The following CCDC178 variants were observed in gnomAD, a reference collection of about 807,000 sequenced individuals.
The protein encoded by CCDC178 is coiled-coil domain-containing protein 178.
CCDC178 carries 126 observed loss-of-function variants against 117.4 expected under a neutral mutation model. The observed-to-expected ratio is 1.07, with a 90% CI of 0.93 to 1.24. The LOEUF is 1.24. Among genes scored for constraint, CCDC178 ranks in the 50% most tolerant of loss-of-function variants. CCDC178 has a pLI of 0.00. For synonymous variants in CCDC178, 283 were observed against 313.4 expected (o/e 0.90, Z 1.02); for missense variants, 1,030 against 986.9 (o/e 1.04, Z -0.59).
In CCDC178 at chr18:33,182,648, C is replaced by T. The variant is rs559101824; in HGVS notation, c.2238+29248G>A. On this transcript the variant is annotated intron_variant, in intron 20 of 22. Coordinates refer to ENST00000383096, the MANE Select transcript of CCDC178 (RefSeq NM_001105528.4). The stretch of plus-strand genomic sequence containing the variant: ...GATCAAAGGAATGTATGCATAGTCT[C>T]TCACTATATATGTCAACATGACAAG... Among the ~76,000 whole-genome samples the T allele has an allele frequency of 3.9e-5, 6 of 152,040 alleles. No individual in the cohort carries two copies. In the East Asian group the frequency reaches 1.2e-3, roughly 29 times the overall value.
In CCDC178 at chr18:33,315,348, A is replaced by G. The variant is rs574332009; in HGVS notation, c.1022+8143T>C. 3.3e-5 allele frequency among the ~76,000 whole-genome samples: 5 copies of G among 152,326 alleles called. No individual in the cohort carries two copies. In the South Asian group the frequency reaches 1.0e-3, roughly 32 times the overall value. ...AAAACAACGAAAAGACATTAAAATC[A>G]TCTACAACCAGACCAAGTGGTTGCA... On this transcript the variant is annotated intron_variant, in intron 11 of 22. Transcript: ENST00000383096.
At chr18:33,139,120 C>T (rs905128533) in intron 20 of CCDC178, among the ~76,000 whole-genome samples, 1 of 152,112 alleles carries the variant, frequency 6.6e-6, no homozygotes. Context: ...CGGGAGATTC[C>T]ATGCACAAGC....
intron 20 of CCDC178, among the ~76,000 whole-genome samples, chr18:33,105,156 C>T (rs2057687846): frequency 6.6e-6 from 1 of 151,570 alleles, no homozygotes. Flanking sequence ...TTAATTGATA[C>T]TAAATATTGT....
At chr18:32,980,760 T>C (rs1285265267) in intron 21 of CCDC178, among the ~76,000 whole-genome samples, 1 of 152,188 alleles carries the variant, frequency 6.6e-6, no homozygotes, top group African/African-American at 2.4e-5. Context: ...AAACTCATCA[T>C]ATTGTCAAAT....
In CCDC178 at chr18:33,073,817, G is replaced by C. The variant is rs1296393530; in HGVS notation, c.2388+18944C>G. 2.6e-5 allele frequency among the ~76,000 whole-genome samples: 4 copies of C among 152,110 alleles called. No individual in the cohort carries two copies. The East Asian group carries it at 5.8e-4, about 22-fold the overall frequency. ...TAAACATAAAATGTCAGAGTATTAA[G>C]AGCAAAGAAAATACATAGGTGGCAT... is the stretch of plus-strand genomic sequence containing the variant. On this transcript the variant is annotated intron_variant, in intron 21 of 22. Transcript: ENST00000383096.
chr18:33,030,536 G>GATACATAGATAGATAC (rs1567943405), intron 21 of CCDC178, among the ~76,000 whole-genome samples: 1 of 151,602 alleles, frequency 6.6e-6, no homozygotes, highest in Non-Finnish European at 1.5e-5. Context: ...TAGATAGATA[G>GATACATAGATAGATAC]ATAGATAGAT....
rs200527567 is a variant in CCDC178, at chr18:33,022,874, G to C, written c.2389-48193C>G. On this transcript the variant is annotated intron_variant, in intron 21 of 22. Coordinates refer to ENST00000383096, the MANE Select transcript of CCDC178 (RefSeq NM_001105528.4). ...TCTAAATATAATGATATATAGGGGG[G>C]CTGGAAGTAAAGGATGAAAAGTGAT... Among the ~76,000 whole-genome samples, 10 of 152,114 alleles carry C rather than the reference G, an allele frequency of 6.6e-5. No individual in the cohort carries two copies. The East Asian group carries it at 1.9e-3, about 29-fold the overall frequency.
chr18:33,127,787 G>A (rs2058025770), intron 20 of CCDC178, among the ~76,000 whole-genome samples: 1 of 152,064 alleles, frequency 6.6e-6, no homozygotes, highest in African/African-American at 2.4e-5. Context: ...CTCTGATACT[G>A]TTTACAAATT....
chr18:33,080,886 C>T (rs772025821), intron 21 of CCDC178, among the ~76,000 whole-genome samples: 1 of 152,066 alleles, frequency 6.6e-6, no homozygotes, highest in Non-Finnish European at 1.5e-5. Flanking sequence ...TCTACTTTCT[C>T]TTATTTATGG....
intron 21 of CCDC178, among the ~76,000 whole-genome samples, chr18:33,013,775 C>T (rs2055922856): frequency 6.6e-6 from 1 of 152,114 alleles, no homozygotes; most frequent in Admixed American, 6.5e-5. Context: ...CCAGGGAAGA[C>T]TATATATATG....
At chr18:33,130,567 T>C (rs1743669588) in intron 20 of CCDC178, among the ~76,000 whole-genome samples, 1 of 151,958 alleles carries the variant, frequency 6.6e-6, no homozygotes, top group Non-Finnish European at 1.5e-5. Flanking sequence ...CCAAGAGTGT[T>C]AGGTTCCAAG....
At chr18:32,992,656 G>A (rs186997721) in intron 21 of CCDC178, among the ~76,000 whole-genome samples, 1 of 152,230 alleles carries the variant, frequency 6.6e-6, no homozygotes, top group East Asian at 1.9e-4. Context: ...TAGATTTTAA[G>A]CATGATCACC....
At chr18:33,011,006 T>G (rs960055007) in intron 21 of CCDC178, among the ~76,000 whole-genome samples, 4 of 152,170 alleles carry the variant, frequency 2.6e-5, no homozygotes, top group African/African-American at 9.7e-5. Flanking sequence ...AAATTATTAT[T>G]TTAACTACAT....
At chr18:33,331,876 C>G (rs1193695618) in intron 10 of CCDC178, among the ~76,000 whole-genome samples, 1 of 152,048 alleles carries the variant, frequency 6.6e-6, no homozygotes, top group African/African-American at 2.4e-5. Context: ...GTATATAACC[C>G]CACTAGGAAA....
rs538984219 is a variant in CCDC178 at position 33,331,825 on chromosome 18, G to A, written c.879+1349C>T. On this transcript the variant is annotated intron_variant, in intron 10 of 22. Coordinates refer to ENST00000383096, the MANE Select transcript of CCDC178 (RefSeq NM_001105528.4). ...TAACTTGATGTTATCTAATAAAATA[G>A]TAAATGTGTATAACCCACAATCCAG... is the stretch of plus-strand genomic sequence containing the variant. 7.9e-5 allele frequency among the ~76,000 whole-genome samples: 12 copies of A among 152,186 alleles called. No homozygotes were observed. The East Asian group carries it at 1.9e-3, about 25-fold the overall frequency.
intron 11 of CCDC178, among the ~76,000 whole-genome samples, chr18:33,314,910 G>C (rs7243303): frequency 2.0e-5 from 3 of 152,150 alleles, no homozygotes; most frequent in Non-Finnish European, 4.4e-5. Flanking sequence ...TAAGATTCCT[G>C]CTCAAAATGA....
intron 21 of CCDC178, chr18:32,983,378 T>TTTGGGAGAAG: frequency 7.1e-7 from 1 of 1,404,566 alleles, no homozygotes; most frequent in African/African-American, 1.4e-5. Context: ...TTACAAATAT[T>TTTGGGAGAAG]ACAAATGAAG....
chr18:33,404,142 T>C (rs1046989346), intron 3 of CCDC178, among the ~76,000 whole-genome samples: 2 of 152,116 alleles, frequency 1.3e-5, no homozygotes, highest in East Asian at 3.9e-4. Context: ...GATAACATTA[T>C]GCATTTGTCA....
chr18:33,021,321 G>A (rs1458775115), intron 21 of CCDC178, among the ~76,000 whole-genome samples: 14 of 152,062 alleles, frequency 9.2e-5, no homozygotes, highest in Admixed American at 9.2e-4. Flanking sequence ...TTTTCTACCA[G>A]TTTTTATTTT....
Sources: gnomAD v4.1 joint callset for allele counts (sites outside exome capture counted in the v4.1 genomes callset) on GRCh38, gnomAD v4.1.1 for gene constraint, MANE v1.5 for transcripts, NCBI Gene and HGNC (gene_info 2026-07-23, HGNC 2026-07-21) for gene names.